Variants in SRD5A1 observed in about 807,000 individuals in gnomAD.
The protein encoded by SRD5A1 is steroid 5 alpha-reductase 1, also known as 3-oxo-5-alpha-steroid 4-dehydrogenase 1.
Under a neutral mutation model 28.2 loss-of-function variants are expected in SRD5A1, and 22 were observed. The ratio of observed to expected loss-of-function variants is 0.78; its 90% confidence interval spans 0.56 to 1.12. The LOEUF is 1.12. SRD5A1 is among the 50% of genes most tolerant of loss of function. The pLI is 0.00. For missense variants in SRD5A1, 300 were observed against 346.7 expected, an observed-to-expected ratio of 0.87 and a Z score of 1.07; for synonymous variants, 151 against 135.0, an observed-to-expected ratio of 1.12 and a Z score of -0.82.
chr5:6,668,469 T>A lies in SRD5A1; in HGVS notation c.*201T>A. The A allele has an allele frequency of 2.4e-6, 1 of 418,052 alleles. No homozygotes were observed. Among genetic ancestry groups the A allele is most frequent in the Non-Finnish European group, 4.4e-6 (1 of 228,926 alleles). 25.9% of individuals were successfully genotyped at this position (418,052 alleles called of 1,614,324 possible). A position where few individuals can be genotyped will look rare whatever the true frequency, so the allele number is the denominator to read the frequency against. ...CTGAAATGGAGGTTGAATATCCTAC[T>A]GTGTAACAGGTCAGAATTTCAAGCT... On this transcript the variant is annotated 3_prime_UTR_variant, in exon 5 of 5. Transcript: ENST00000274192.
At chr5:6,643,298 T>C (rs1443392607) in intron 1 of SRD5A1, among the ~76,000 whole-genome samples, 1 of 152,084 alleles carries the variant, frequency 6.6e-6, no homozygotes, top group Non-Finnish European at 1.5e-5. Flanking sequence ...TCTGCCTTGC[T>C]TTTTCTTTTT....
At chr5:6,663,050 T>A (rs1739059040) in intron 4 of SRD5A1, 84 bp downstream of exon 4, 2 of 1,515,336 alleles carry the variant, frequency 1.3e-6, no homozygotes, top group African/African-American at 2.8e-5. Context: ...TTTGAAGTGT[T>A]AATTTAAATC....
intron 1 of SRD5A1, 99 bp from the exon 2 acceptor site, chr5:6,651,743 A>G: frequency 8.8e-7 from 1 of 1,138,978 alleles, no homozygotes; most frequent in Non-Finnish European, 1.2e-6. Flanking sequence ...ACATTTGTAC[A>G]AGAAAGTAAG....
chr5:6,633,764 C>T lies in SRD5A1; in HGVS notation c.188C>T (p.Ser63Leu), dbSNP rs779290322. Reference sequence around the variant, plus strand: ...GCCTGGGTGGTGCAGGAGCTGCCCTCGCTGGCCCTGCCGCTCTACCAGTAC... The same window carrying T: ...GCCTGGGTGGTGCAGGAGCTGCCCTTGCTGGCCCTGCCGCTCTACCAGTAC... ...RAAWVVQELP[S>L]LALPLYQYAS... is the part of the protein sequence containing the mutation. Residue 63 changes from serine to leucine, a missense_variant, in exon 1 of 5, where the codon TCG (serine) becomes TTG (leucine). Ser to Leu is a moderately radical substitution (Grantham distance 145, BLOSUM62 -2). This residue lies in a region of SRD5A1 where 174 missense variants were observed against 160.9 expected (regional missense o/e 1.08). Coordinates refer to ENST00000274192, the MANE Select transcript of SRD5A1 (RefSeq NM_001047.4). The T allele has an allele frequency of 6.9e-6, 11 of 1,597,360 alleles. No individual in the cohort carries two copies. The highest frequency in any genetic ancestry group is 9.3e-6 in the Non-Finnish European group (11 of 1,179,524).
At chr5:6,648,020 C>T (rs1051428958) in intron 1 of SRD5A1, among the ~76,000 whole-genome samples, 3 of 152,094 alleles carry the variant, frequency 2.0e-5, no homozygotes, top group Admixed American at 6.5e-5. Context: ...TTCTCCTTCA[C>T]TTATGAAGCT....
rs371828257 is a variant in SRD5A1, at chr5:6,668,219, T to G, written c.731T>G (p.Phe244Cys). Residue 244 changes from phenylalanine to cysteine, a missense_variant, in exon 5 of 5, where the codon TTT (phenylalanine) becomes TGT (cysteine). Physicochemically the swap from Phe to Cys is radical, Grantham distance 205. Transcript: ENST00000274192. Reference sequence around the variant, plus strand: ...TTTCTTAGGTGGTACCTCCGGAAATTTGAAGAGTATCCAAAGTTCAGAAAA... The same window carrying G: ...TTTCTTAGGTGGTACCTCCGGAAATGTGAAGAGTATCCAAAGTTCAGAAAA... ...KEHHEWYLRKFEEYPKFRKII... is the reference protein window; with the variant it reads ...KEHHEWYLRKCEEYPKFRKII... 6.3e-7 allele frequency: 1 copy of G among 1,584,916 alleles called. No homozygotes were observed. The highest frequency in any genetic ancestry group is 8.6e-7 in the Non-Finnish European group (1 of 1,167,122).
intron 1 of SRD5A1, among the ~76,000 whole-genome samples, chr5:6,634,556 A>G (rs1288388258): frequency 6.6e-6 from 1 of 152,100 alleles, no homozygotes; most frequent in Non-Finnish European, 1.5e-5. Context: ...CCAAGTGATC[A>G]GCTGCAACTG....
intron 1 of SRD5A1, 113 bp from the exon 2 acceptor site, chr5:6,651,729 G>A: frequency 5.2e-6 from 5 of 959,220 alleles, no homozygotes; most frequent in Non-Finnish European, 7.6e-6. Flanking sequence ...TGTTACTGAG[G>A]ATGACATTTG....
At chr5:6,664,811 G>T (rs934595373) in intron 4 of SRD5A1, among the ~76,000 whole-genome samples, 1 of 152,246 alleles carries the variant, frequency 6.6e-6, no homozygotes, top group African/African-American at 2.4e-5. Context: ...GTATTTTCAC[G>T]CATAGACAGT....
chr5:6,664,770 C>T (rs991270969), intron 4 of SRD5A1, among the ~76,000 whole-genome samples: 1 of 152,254 alleles, frequency 6.6e-6, no homozygotes, highest in Non-Finnish European at 1.5e-5. Flanking sequence ...GCCCCGCATT[C>T]TTCGAGACAC....
rs769838482 is a variant in SRD5A1, at chr5:6,673,475, G to A, written c.*5207G>A. On this transcript the variant is annotated 3_prime_UTR_variant, in exon 5 of 5. Coordinates refer to ENST00000274192, the MANE Select transcript of SRD5A1 (RefSeq NM_001047.4). ...TGGAGCAACAGGAACTCTCATTCAC[G>A]GCTGGTGGGGATGCAAAGTGGTGGA... 2.4e-4 allele frequency: 37 copies of A among 152,198 alleles called. No homozygotes were observed. The highest frequency in any genetic ancestry group is 2.0e-3 in the Admixed American group (30 of 15,272). The allele number at this position is 152,198 out of a possible 1,614,324, so 9.4% of individuals were successfully genotyped here. A position where few individuals can be genotyped will look rare whatever the true frequency, so the allele number is the denominator to read the frequency against.
chr5:6,650,225 T>G (rs186830516), intron 1 of SRD5A1, among the ~76,000 whole-genome samples: 12 of 152,146 alleles, frequency 7.9e-5, no homozygotes, highest in African/African-American at 2.9e-4. Flanking sequence ...AGATCAGACA[T>G]AGAGAGACCC....
intron 4 of SRD5A1, among the ~76,000 whole-genome samples, chr5:6,664,549 C>T (rs1295389610): frequency 6.6e-6 from 1 of 152,152 alleles, no homozygotes; most frequent in African/African-American, 2.4e-5. Flanking sequence ...GGATTACAGG[C>T]ATGCACCACC....
At chr5:6,665,255 C>T (rs8192234) in intron 4 of SRD5A1, among the ~76,000 whole-genome samples, 24 of 152,308 alleles carry the variant, frequency 1.6e-4, no homozygotes, top group Middle Eastern at 3.4e-3. Flanking sequence ...TCAGAGGGAG[C>T]GTAGCCCTGC....
chr5:6,651,498 T>TAAC (rs756367844), intron 1 of SRD5A1, among the ~76,000 whole-genome samples: 1 of 151,172 alleles, frequency 6.6e-6, no homozygotes, highest in African/African-American at 2.4e-5. Flanking sequence ...CTCTACAAAA[T>TAAC]AATAATAATA....
intron 3 of SRD5A1, among the ~76,000 whole-genome samples, chr5:6,662,242 C>T (rs530370): frequency 0.024 from 3,680 of 152,308 alleles, 165 homozygotes; most frequent in African/African-American, 0.083. Context: ...TCCACCCCAT[C>T]CCAGCTCCGG....
intron 1 of SRD5A1, among the ~76,000 whole-genome samples, chr5:6,636,894 G>A (rs1738198306): frequency 6.6e-6 from 1 of 152,164 alleles, no homozygotes; most frequent in African/African-American, 2.4e-5. Context: ...ACCAGGGAGG[G>A]AAGGACAGGC....
rs558000159 is a variant in SRD5A1 at position 6,639,673 on chromosome 5, T to G, written c.293+5804T>G. Among the ~76,000 whole-genome samples the G allele has an allele frequency of 2.0e-5, 3 of 152,314 alleles. No homozygotes were observed. In the South Asian group the frequency reaches 6.2e-4, roughly 32 times the overall value. On this transcript the variant is annotated intron_variant, in intron 1 of 4. Coordinates refer to ENST00000274192, the MANE Select transcript of SRD5A1 (RefSeq NM_001047.4). ...AATTTCGCCTGATTTTCTCCAAGCC[T>G]TTTTAGGAAATTGAATTTAGCCCAG... is the stretch of plus-strand genomic sequence containing the variant.
chr5:6,647,252 GT>G (rs1738534774), intron 1 of SRD5A1, among the ~76,000 whole-genome samples: 1 of 152,216 alleles, frequency 6.6e-6, no homozygotes, highest in South Asian at 2.1e-4. Context: ...TGTATATTCT[GT>G]TGATTTGGGG....
Sources: gnomAD v4.1 joint callset for allele counts (sites outside exome capture counted in the v4.1 genomes callset) on GRCh38, gnomAD v4.1.1 for gene constraint, gnomAD v4.1.1 regional missense constraint, MANE v1.5 for transcripts, NCBI Gene and HGNC (gene_info 2026-07-23, HGNC 2026-07-21) for gene names.